Variants in DHRSX observed in about 807,000 individuals in gnomAD.
The protein encoded by DHRSX is dehydrogenase/reductase X-linked.
Under a neutral mutation model 34.0 loss-of-function variants are expected in DHRSX, and 31 were observed. That is an observed-to-expected ratio of 0.91 (90% CI 0.69 to 1.23). The LOEUF is 1.23. Among genes scored for constraint, DHRSX ranks in the 50% most tolerant of loss-of-function variants. The pLI is 0.00. For missense variants in DHRSX, 414 were observed against 428.1 expected, an observed-to-expected ratio of 0.97 and a Z score of 0.29; for synonymous variants, 201 against 183.8, an observed-to-expected ratio of 1.09 and a Z score of -0.76.
At chrX:2,271,329 A>G (rs2041551650) in intron 4 of DHRSX, among the ~76,000 whole-genome samples, 1 of 152,212 alleles carries the variant, frequency 6.6e-6, no homozygotes, top group Admixed American at 6.5e-5. Flanking sequence ...AGAACCCACA[A>G]GAAGGAATAA....
intron 1 of DHRSX, among the ~76,000 whole-genome samples, chrX:2,496,075 A>C (rs1183750743): frequency 6.6e-6 from 1 of 152,336 alleles, no homozygotes; most frequent in East Asian, 1.9e-4. Context: ...AAGGGTACCA[A>C]GTTTCTGTTC....
At chrX:2,234,592 G>A (rs375822578) in intron 6 of DHRSX, among the ~76,000 whole-genome samples, 3 of 152,242 alleles carry the variant, frequency 2.0e-5, no homozygotes, top group African/African-American at 7.2e-5. Context: ...CTAATATAAA[G>A]AAAGTACAGT....
Position 2,433,867 on chromosome X carries a change from C to T in DHRSX, c.110-8563G>A, listed in dbSNP as rs745541251. Among the ~76,000 whole-genome samples the T allele has an allele frequency of 9.2e-5, 14 of 152,234 alleles. No homozygotes were observed. The East Asian group carries it at 2.3e-3, about 25-fold the overall frequency. ...TCAGCTCAATGCAAGCTCCACCTCC[C>T]GGGTTCACGCCGTTCTCTCACCTCA... On this transcript the variant is annotated intron_variant, in intron 1 of 6. Coordinates refer to ENST00000334651, the MANE Select transcript of DHRSX (RefSeq NM_145177.3).
At chrX:2,318,405 G>A (rs2042266479) in intron 3 of DHRSX, among the ~76,000 whole-genome samples, 1 of 151,962 alleles carries the variant, frequency 6.6e-6, no homozygotes, top group South Asian at 2.1e-4. Flanking sequence ...CCACTGGCAT[G>A]AGAGGAGGTC....
Position 2,362,888 on chromosome X carries a change from C to T in DHRSX, c.286+45857G>A, listed in dbSNP as rs768839893. On this transcript the variant is annotated intron_variant, in intron 3 of 6. Transcript: ENST00000334651. ...TTATCACCGTTCTATGATATCATGCCGCCATTTTATCACCGTTCTATGGTA... is the reference window on the plus strand; with the variant it reads ...TTATCACCGTTCTATGATATCATGCTGCCATTTTATCACCGTTCTATGGTA... Among the ~76,000 whole-genome samples the T allele has an allele frequency of 3.9e-4, 49 of 125,444 alleles. 2 individuals are homozygous for T. Among genetic ancestry groups the T allele is most frequent in the African/African-American group, 1.2e-3 (45 of 37,054 alleles). The allele number at this position is 125,444 out of a possible 152,430, so 82.3% of individuals were successfully genotyped here. A position where few individuals can be genotyped will look rare whatever the true frequency, so the allele number is the denominator to read the frequency against.
chrX:2,359,852 C>T (rs2042906383), intron 3 of DHRSX, among the ~76,000 whole-genome samples: 1 of 152,024 alleles, frequency 6.6e-6, no homozygotes, highest in African/African-American at 2.4e-5. Flanking sequence ...CATGTTCTCA[C>T]TTATAAGTGA....
intron 3 of DHRSX, among the ~76,000 whole-genome samples, chrX:2,316,548 C>T (rs190651431): frequency 6.6e-6 from 1 of 151,902 alleles, no homozygotes; most frequent in African/African-American, 2.4e-5. Flanking sequence ...CAAGACTCTG[C>T]CTCAAAAACA....
chrX:2,446,468 G>A (rs1569502263), intron 1 of DHRSX, among the ~76,000 whole-genome samples: 1 of 122,920 alleles, frequency 8.1e-6, no homozygotes, highest in Non-Finnish European at 1.8e-5. Flanking sequence ...AGACGGTCTC[G>A]AGGCTTGTGG....
At chrX:2,317,256 C>CTCTTTTTTTTTTT (rs2042251530) in intron 3 of DHRSX, among the ~76,000 whole-genome samples, 1 of 87,436 alleles carries the variant, frequency 1.1e-5, no homozygotes, top group Non-Finnish European at 2.1e-5. Flanking sequence ...CCGCGCCTGG[C>CTCTTTTTTTTTTT]TTTTTTTTTT....
intron 1 of DHRSX, among the ~76,000 whole-genome samples, chrX:2,464,265 A>G (rs1381219635): frequency 6.6e-6 from 1 of 151,620 alleles, no homozygotes; most frequent in Admixed American, 6.6e-5. Context: ...TGCCCTTTGC[A>G]CATTGAAGAC....
At chrX:2,334,787 G>A (rs2042531416) in intron 3 of DHRSX, 1 of 152,128 alleles carries the variant, frequency 6.6e-6, no homozygotes, top group Non-Finnish European at 1.5e-5. Flanking sequence ...TTTTGAATAA[G>A]GGACTCTATC....
intron 1 of DHRSX, 21 bp downstream of exon 1, chrX:2,500,796 C>A: frequency 9.2e-6 from 10 of 1,090,550 alleles, no homozygotes; most frequent in Non-Finnish European, 1.0e-5. Context: ...GGAGCCCTGA[C>A]CCCTGCCCCG....
chrX:2,383,842 G>C (rs910464894), intron 3 of DHRSX, among the ~76,000 whole-genome samples: 4 of 152,210 alleles, frequency 2.6e-5, no homozygotes, highest in Non-Finnish European at 4.4e-5. Flanking sequence ...GCATGAAAGG[G>C]ACTTGGATGG....
At chrX:2,338,519 C>T (rs1016357296) in intron 3 of DHRSX, among the ~76,000 whole-genome samples, 1 of 151,774 alleles carries the variant, frequency 6.6e-6, no homozygotes. Flanking sequence ...GAGCAACGGA[C>T]GATGGATTCT....
At chrX:2,464,632 A>C (rs1252857859) in intron 1 of DHRSX, among the ~76,000 whole-genome samples, 1 of 151,904 alleles carries the variant, frequency 6.6e-6, no homozygotes, top group African/African-American at 2.4e-5. Context: ...ATGTTCCCTA[A>C]GTATGTGGCT....
At chrX:2,365,528 A>G (rs2042985844) in intron 3 of DHRSX, among the ~76,000 whole-genome samples, 1 of 152,084 alleles carries the variant, frequency 6.6e-6, no homozygotes, top group Non-Finnish European at 1.5e-5. Context: ...GCTTGTCCTC[A>G]TATCACCTCC....
intron 3 of DHRSX, among the ~76,000 whole-genome samples, chrX:2,382,063 C>A (rs891475318): frequency 6.6e-6 from 1 of 152,092 alleles, no homozygotes; most frequent in Admixed American, 6.5e-5. Flanking sequence ...CAAGAAGATG[C>A]CTGAAGAGGT....
At chrX:2,382,551 A>G (rs1437983289) in intron 3 of DHRSX, among the ~76,000 whole-genome samples, 40 of 151,268 alleles carry the variant, frequency 2.6e-4, no homozygotes, top group African/African-American at 9.7e-4. Context: ...CATCATCATC[A>G]TCACCATCAC....
chrX:2,301,913 G>A (rs886589459), intron 3 of DHRSX, among the ~76,000 whole-genome samples: 2 of 152,056 alleles, frequency 1.3e-5, no homozygotes, highest in Non-Finnish European at 2.9e-5. Flanking sequence ...TGGGATTACA[G>A]GTGTGAAGCA....
Sources: gnomAD v4.1 joint callset for allele counts (sites outside exome capture counted in the v4.1 genomes callset) on GRCh38, gnomAD v4.1.1 for gene constraint, MANE v1.5 for transcripts, NCBI Gene and HGNC (gene_info 2026-07-23, HGNC 2026-07-21) for gene names.